The following CHRNA10 variants were observed in gnomAD, a reference collection of about 807,000 sequenced individuals.
The protein encoded by CHRNA10 is neuronal acetylcholine receptor subunit alpha-10.
CHRNA10 carries 31 observed loss-of-function variants against 36.0 expected under a neutral mutation model. The ratio of observed to expected loss-of-function variants is 0.86; its 90% CI spans 0.65 to 1.16. The LOEUF (loss-of-function observed/expected upper bound fraction) is 1.16. CHRNA10 is among the 50% of genes most tolerant of loss of function. The probability of loss-of-function intolerance (pLI) is 0.00; values close to 1 mark genes in which losing one functional copy is unlikely to be tolerated. For missense variants in CHRNA10, 648 were observed against 640.9 expected (o/e 1.01, Z -0.12); for synonymous variants, 302 against 287.0 (o/e 1.05, Z -0.53).
At position 3,669,811 on chromosome 11, in the gene CHRNA10, G is replaced by A; in HGVS notation, c.192C>T (p.Ser64=). 1 of 1,614,138 alleles carries A rather than the reference G, an allele frequency of 6.2e-7. No individual in the cohort carries two copies. The highest frequency in any genetic ancestry group is 8.5e-7 in the Non-Finnish European group (1 of 1,180,018). Residue 64 remains serine, a synonymous_variant, in exon 2 of 5, where the codon TCC becomes TCT. Coordinates refer to ENST00000250699, the MANE Select transcript of CHRNA10 (RefSeq NM_020402.4). ...CACAACGCACCATGTCGATGATCTG[G>A]GACAGTGTCACCTCCAGGGTCACAT... ...TLNVTLEVTL[S]QIIDMDERNQ... is the part of the protein sequence containing the mutation.
Position 3,666,265 on chromosome 11 carries a change from C to G in CHRNA10, c.1195G>C (p.Val399Leu), listed in dbSNP as rs138310150. ...CGGAAGGTATTGGCAATGGTGGCTACGTGGTGCAGTAGGGCTTCCTGGCGG... is the reference window on the plus strand; with the variant it reads ...CGGAAGGTATTGGCAATGGTGGCTAGGTGGTGCAGTAGGGCTTCCTGGCGG... ...LCRQEALLHH[V>L]ATIANTFRSH... The change falls in exon 5 of 5, where the codon GTA becomes CTA. Residue 399 changes from valine (V) to leucine (L), a missense_variant. Physicochemically the swap from Val to Leu is conservative, Grantham distance 32. Coordinates refer to ENST00000250699, the MANE Select transcript of CHRNA10 (RefSeq NM_020402.4). The G allele has an allele frequency of 2.0e-5, 33 of 1,614,046 alleles. 1 individual carries two copies. In the South Asian group the frequency reaches 3.4e-4, roughly 17 times the overall value.
At chr11:3,669,613 G>A (rs1224077753) in intron 2 of CHRNA10, 183 bp downstream of exon 2, 10 of 839,594 alleles carry the variant, frequency 1.2e-5, no homozygotes, top group Admixed American at 8.4e-5. Context: ...TATTGGGCAC[G>A]AGGTAGGCAC....
At position 3,667,481 on chromosome 11, in the gene CHRNA10, A is replaced by G. The variant is rs1177475141; in HGVS notation, c.646T>C (p.Tyr216His). Residue 216 changes from tyrosine to histidine, a missense_variant, in exon 4 of 5, where the codon TAC becomes CAC. Tyr to His is a moderately conservative substitution (Grantham distance 83). Transcript: ENST00000250699. ...GGGTAGGGCTCGGAGCAGCAGCCGT[A>G]GGTGAGCACGCGCCGCCGCGCCGGC... Reference protein sequence around the residue: ...GMPARRRVLTYGCCSEPYPDV... With the variant: ...GMPARRRVLTHGCCSEPYPDV... The G allele has an allele frequency of 6.3e-7, 1 of 1,588,042 alleles. No individual in the cohort carries two copies. The highest frequency in any genetic ancestry group is 1.7e-5 in the Admixed American group (1 of 58,406).
In CHRNA10 at chr11:3,666,204, C is replaced by T. The variant is rs752730365; in HGVS notation, c.1256G>A (p.Trp419Ter). 3 of 1,613,972 alleles carry T rather than the reference C, an allele frequency of 1.9e-6. No homozygotes were observed. The Admixed American group carries it at 5.0e-5, about 27-fold the overall frequency. Reference protein sequence around the residue: ...HRAAQRCHEDWKRLARVMDRF... With the variant: ...HRAAQRCHED ...GTCCATCACACGGGCCAGGCGCTTC[C>T]AGTCCTCATGGCAGCGCTGGGCAGC... is the stretch of plus-strand genomic sequence containing the variant. The change falls in exon 5 of 5, where the codon TGG becomes TAG. Residue 419 changes from tryptophan (W) to a stop codon, truncating the protein, a stop_gained. Transcript: ENST00000250699. LOFTEE classifies it high-confidence loss of function.
Position 3,665,863 on chromosome 11 carries a change from A to G in CHRNA10, c.*244T>C, listed in dbSNP as rs2077655055. 2.2e-6 allele frequency: 1 copy of G among 452,792 alleles called. No homozygotes were observed. The highest frequency in any genetic ancestry group is 2.0e-5 in the African/African-American group (1 of 50,454). The allele number at this position is 452,792 out of a possible 1,614,324, so 28.0% of individuals were successfully genotyped here. On this transcript the variant is annotated 3_prime_UTR_variant, in exon 5 of 5. Coordinates refer to ENST00000250699, the MANE Select transcript of CHRNA10 (RefSeq NM_020402.4). ...TGTCCCTCCAAGACTGTACTCTGTG[A>G]TCTTGGCCTTTGTAGAGTTCCTCTT...
rs747228623 is a variant in CHRNA10 at position 3,667,514 on chromosome 11, G to C, written c.613C>G (p.Leu205Val). 8 of 1,585,358 alleles carry C rather than the reference G, an allele frequency of 5.0e-6. No individual in the cohort carries two copies. The highest frequency in any genetic ancestry group is 6.8e-6 in the Non-Finnish European group (8 of 1,172,800). Residue 205 changes from leucine (L) to valine (V), a missense_variant, in exon 4 of 5, where the codon CTG (leucine) becomes GTG (valine). By Grantham distance (32) the Leu-to-Val change is conservative (BLOSUM62 1). Transcript: ENST00000250699. ...ACGCGCCGCCGCGCCGGCATGCCCA[G>C]CACGCGCCACTCCACGTTCTCCACG... is the stretch of plus-strand genomic sequence containing the variant. ...DFVENVEWRV[L>V]GMPARRRVLT...
chr11:3,670,943 CT>C, intron 1 of CHRNA10: 1 of 451,440 alleles, frequency 2.2e-6, no homozygotes, highest in Non-Finnish European at 4.1e-6. Flanking sequence ...CTGCTGAAAC[CT>C]TTCAGTGCTC....
At chr11:3,669,042 G>A in intron 3 of CHRNA10, 154 bp downstream of exon 3, 1 of 775,444 alleles carries the variant, frequency 1.3e-6, no homozygotes, top group Non-Finnish European at 2.0e-6. Flanking sequence ...TGGAGGGGCT[G>A]AGTGCCTGGC....
intron 2 of CHRNA10, 173 bp downstream of exon 2, chr11:3,669,623 C>A: frequency 1.1e-6 from 1 of 903,644 alleles, no homozygotes; most frequent in South Asian, 1.5e-5. Flanking sequence ...GAGGTAGGCA[C>A]CCAATACTCA....
chr11:3,668,308 T>C (rs1231368198), intron 3 of CHRNA10, among the ~76,000 whole-genome samples: 1 of 152,040 alleles, frequency 6.6e-6, no homozygotes, highest in African/African-American at 2.4e-5. Flanking sequence ...GGTCAGGAGA[T>C]CGAGACCACC....
At chr11:3,670,677 T>C (rs2741865) in intron 1 of CHRNA10, among the ~76,000 whole-genome samples, 74,989 of 152,100 alleles carry the variant, frequency 0.49, 19,650 homozygotes, top group Admixed American at 0.68. Flanking sequence ...ACAGTGACCT[T>C]AGTTGGAAAT....
intron 3 of CHRNA10, 40 bp from the exon 4 acceptor site, chr11:3,667,804 C>T (rs965217281): frequency 2.8e-6 from 4 of 1,431,746 alleles, no homozygotes; most frequent in Non-Finnish European, 3.6e-6. Flanking sequence ...GGCTGTCCAG[C>T]CTGAGGAGCA....
Position 3,667,653 on chromosome 11 carries a change from T to A in CHRNA10, c.474A>T (p.Val158=), listed in dbSNP as rs918308408. The A allele has an allele frequency of 1.3e-6, 2 of 1,560,920 alleles. No homozygotes were observed. Among genetic ancestry groups the A allele is most frequent in the East Asian group, 4.7e-5 (2 of 42,220 alleles). The change falls in exon 4 of 5, where the codon GTA becomes GTT. Residue 158 remains valine, a synonymous_variant. Transcript: ENST00000250699. The part of the protein sequence containing the change: ...AITRSSCRVD[V]AAFPFDAQHC... Reference sequence around the variant, plus strand: ...GCTGGGCGTCGAACGGGAAGGCTGCTACATCCACGCGGCACGAGCTGCGCG... The same window carrying A: ...GCTGGGCGTCGAACGGGAAGGCTGCAACATCCACGCGGCACGAGCTGCGCG...
chr11:3,670,730 G>A (rs961742255), intron 1 of CHRNA10, among the ~76,000 whole-genome samples: 3 of 152,198 alleles, frequency 2.0e-5, no homozygotes, highest in Non-Finnish European at 2.9e-5. Context: ...CCTCCTCCTC[G>A]GGGAATCCAG....
At chr11:3,669,989 G>A (rs1277173245) in intron 1 of CHRNA10, 48 bp from the exon 2 acceptor site, 2 of 1,610,054 alleles carry the variant, frequency 1.2e-6, no homozygotes, top group African/African-American at 2.7e-5. Context: ...CTAGTCCCAG[G>A]GCCTCTGCTC....
chr11:3,667,435 A>G lies in CHRNA10; in HGVS notation c.692T>C (p.Leu231Pro). 1 of 1,596,198 alleles carries G rather than the reference A, an allele frequency of 6.3e-7. No homozygotes were observed. Among genetic ancestry groups the G allele is most frequent in the Non-Finnish European group, 8.5e-7 (1 of 1,176,644 alleles). The change falls in exon 4 of 5, where the codon CTG becomes CCG. Residue 231 changes from leucine (L) to proline (P), a missense_variant. Transcript: ENST00000250699. ...EPYPDVTFTL[L>P]LRRRAAAYVC... ...GTAGGCGGCGGCGCGGCGGCGCAGC[A>G]GCAGCGTGAAGGTGACGTCGGGGTA...
Position 3,666,082 on chromosome 11 carries a change from G to C in CHRNA10, c.*25C>G. ...TTCTGGAGGAGCTGTGGCTGCAGCA[G>C]ATCCCTGTGACTTAGTCCCAGCCCT... On this transcript the variant is annotated 3_prime_UTR_variant, in exon 5 of 5. Transcript: ENST00000250699. The C allele has an allele frequency of 5.3e-6, 8 of 1,510,424 alleles. No individual in the cohort carries two copies. The highest frequency in any genetic ancestry group is 7.1e-6 in the Non-Finnish European group (8 of 1,130,136). The allele number at this position is 1,510,424 out of a possible 1,614,324, so 93.6% of individuals were successfully genotyped here.
At chr11:3,668,025 A>G (rs1345916596) in intron 3 of CHRNA10, among the ~76,000 whole-genome samples, 1 of 152,210 alleles carries the variant, frequency 6.6e-6, no homozygotes, top group African/African-American at 2.4e-5. Flanking sequence ...GTGCCAGAGG[A>G]ATCTGGAAAC....
chr11:3,670,865 CCTT>C lies in CHRNA10; in HGVS notation c.61+384_61+386del, dbSNP rs1184047099. On this transcript the variant is annotated intron_variant, in intron 1 of 4. Transcript: ENST00000250699. The stretch of plus-strand genomic sequence containing the variant: ...CTGTCTCCCTTTCCCCAAAGGCTCA[CCTT>C]CTTCTACCCCTCCCATGCCCCAGGA... Among the ~76,000 whole-genome samples, 3 of 152,348 alleles carry C rather than the reference CCTT, an allele frequency of 2.0e-5. No individual in the cohort carries two copies. In the East Asian group the frequency reaches 5.8e-4, roughly 29 times the overall value.
Sources: allele counts gnomAD v4.1 joint callset (sites outside exome capture counted in the v4.1 genomes callset), GRCh38; gene constraint gnomAD v4.1.1; transcripts MANE v1.5; gene names NCBI Gene and HGNC (gene_info 2026-07-23, HGNC 2026-07-21).